Variants in GALNT9 observed in about 807,000 individuals in gnomAD.
GALNT9 encodes GalNAc transferase 9.
Under a neutral mutation model 63.1 loss-of-function variants are expected in GALNT9, and 47 were observed. That is an observed-to-expected ratio of 0.75 (90% CI 0.59 to 0.95). The LOEUF is 0.95. Ranked by LOEUF, GALNT9 falls within the 40% of genes least tolerant of loss-of-function variation. The pLI is 0.00. For missense variants in GALNT9, 829 were observed against 874.8 expected (o/e 0.95, Z 0.66); for synonymous variants, 396 against 365.7 (o/e 1.08, Z -0.94).
chr12:132,264,219 G>A (rs575383759), intron 2 of GALNT9, among the ~76,000 whole-genome samples: 1 of 152,378 alleles, frequency 6.6e-6, no homozygotes, highest in South Asian at 2.1e-4. Flanking sequence ...CTCCCTGCAA[G>A]CTCATGGCAC....
At chr12:132,325,854 G>C (rs1394706651) in intron 1 of GALNT9, among the ~76,000 whole-genome samples, 1 of 152,250 alleles carries the variant, frequency 6.6e-6, no homozygotes, top group East Asian at 1.9e-4. Flanking sequence ...CCTCCATTCA[G>C]AGCCTTTCTT....
rs1053470062 is a variant in GALNT9 at position 132,296,174 on chromosome 12, G to A, written c.239-9744C>T. 5.3e-5 allele frequency among the ~76,000 whole-genome samples: 8 copies of A among 150,162 alleles called. No homozygotes were observed. The highest frequency in any genetic ancestry group is 2.1e-4 in the South Asian group (1 of 4,722). On this transcript the variant is annotated intron_variant, in intron 1 of 10. Transcript: ENST00000328957. This position sits in a 1 kb window ranked among gnomAD's most constrained non-coding sequence, Gnocchi z 4.2. ...CGGCCTCCGAACAGGGAGAGCCTCC[G>A]GAATAGGGACGGCCTCCGAACAGGG...
At chr12:132,240,712 T>C (rs2136899286) in intron 6 of GALNT9, 3 of 455,976 alleles carry the variant, frequency 6.6e-6, no homozygotes, top group Admixed American at 4.7e-5. Flanking sequence ...CTTATCTTGC[T>C]GGAACCCTTC....
chr12:132,211,783 A>G (rs759749707), intron 6 of GALNT9, among the ~76,000 whole-genome samples: 42 of 152,216 alleles, frequency 2.8e-4, no homozygotes, highest in Non-Finnish European at 5.0e-4. Flanking sequence ...GCTGAGGAGT[A>G]TGTCCAAGTC....
chr12:132,220,462 T>TA (rs776585650), intron 6 of GALNT9, among the ~76,000 whole-genome samples: 2 of 151,986 alleles, frequency 1.3e-5, no homozygotes, highest in Non-Finnish European at 1.5e-5. Context: ...AAAACAACTA[T>TA]AAAAAAAGAA....
Position 132,246,145 on chromosome 12 carries a change from G to A in GALNT9, c.1077+1765C>T, listed in dbSNP as rs782390371. Among the ~76,000 whole-genome samples the A allele has an allele frequency of 3.9e-5, 6 of 152,260 alleles. No homozygotes were observed. The highest frequency in any genetic ancestry group is 6.5e-5 in the Admixed American group (1 of 15,284). ...GCGTGGGTGCGTTCAATCCACGGCC[G>A]ACCCGCCAAGGTCTGGTGTTTAACA... On this transcript the variant is annotated intron_variant, in intron 6 of 10. Coordinates refer to ENST00000328957, the MANE Select transcript of GALNT9 (RefSeq NM_001122636.2). The surrounding 1 kb of genome is among the most constrained non-coding windows in gnomAD (Gnocchi z 4.7).
At chr12:132,291,986 A>G (rs1292421151) in intron 1 of GALNT9, among the ~76,000 whole-genome samples, 1 of 152,160 alleles carries the variant, frequency 6.6e-6, no homozygotes, top group Non-Finnish European at 1.5e-5. Context: ...CACTCACAGT[A>G]TGCCAGCCAC....
intron 6 of GALNT9, among the ~76,000 whole-genome samples, chr12:132,229,048 C>T (rs1379154795): frequency 1.3e-5 from 2 of 152,206 alleles, no homozygotes; most frequent in African/African-American, 4.8e-5. Flanking sequence ...CCACGTGGTC[C>T]TGGGGCACAC....
chr12:132,197,508 C>T (rs1875601126), intron 10 of GALNT9, among the ~76,000 whole-genome samples: 1 of 152,204 alleles, frequency 6.6e-6, no homozygotes, highest in Admixed American at 6.5e-5. Flanking sequence ...CCTAAATCCT[C>T]CCTCTACCCT....
intron 1 of GALNT9, among the ~76,000 whole-genome samples, chr12:132,291,526 G>C (rs1298916805): frequency 1.0e-4 from 14 of 135,500 alleles, no homozygotes; most frequent in South Asian, 2.4e-4. Context: ...CACATCCACA[G>C]CACCCACGTC....
At position 132,238,732 on chromosome 12, in the gene GALNT9, G is replaced by T. The variant is rs1878095904; in HGVS notation, c.1077+9178C>A. On this transcript the variant is annotated intron_variant, in intron 6 of 10. Transcript: ENST00000328957. The surrounding 1 kb of genome is among the most constrained non-coding windows in gnomAD (Gnocchi z 6.5). ...TCCCCAGGGCTGTGGGAGGGGCCAG[G>T]AGAATGACAGCCTGATTCCTCCGCC... Among the ~76,000 whole-genome samples, 1 of 152,190 alleles carries T rather than the reference G, an allele frequency of 6.6e-6. No individual in the cohort carries two copies. Among genetic ancestry groups the T allele is most frequent in the Non-Finnish European group, 1.5e-5 (1 of 68,022 alleles).
intron 6 of GALNT9, chr12:132,240,610 C>G (rs541990673): frequency 4.4e-6 from 2 of 455,592 alleles, no homozygotes; most frequent in African/African-American, 2.0e-5. Flanking sequence ...GTGCGTGGCC[C>G]CGGGGCTCGG....
intron 1 of GALNT9, among the ~76,000 whole-genome samples, chr12:132,295,516 A>G (rs782220810): frequency 3.9e-5 from 6 of 152,230 alleles, no homozygotes; most frequent in Admixed American, 1.3e-4. Flanking sequence ...TGAGCCAAAC[A>G]TGGTATGTCC....
At chr12:132,292,015 G>A (rs1346304204) in intron 1 of GALNT9, among the ~76,000 whole-genome samples, 6 of 152,072 alleles carry the variant, frequency 3.9e-5, no homozygotes, top group Admixed American at 1.3e-4. Context: ...TTCCTGCCCC[G>A]GGGCCTTGGC....
At chr12:132,270,965 G>C (rs1206633120) in intron 2 of GALNT9, among the ~76,000 whole-genome samples, 1 of 151,968 alleles carries the variant, frequency 6.6e-6, no homozygotes, top group Non-Finnish European at 1.5e-5. Context: ...GGAGAAAGGA[G>C]GGAAGGAGGA....
At chr12:132,258,038 G>A (rs1879207005) in intron 4 of GALNT9, among the ~76,000 whole-genome samples, 152 bp from the exon 5 acceptor site, 2 of 152,070 alleles carry the variant, frequency 1.3e-5, no homozygotes, top group African/African-American at 4.8e-5. Context: ...TCCTCCCTTG[G>A]AAGCCCAAGG....
intron 1 of GALNT9, among the ~76,000 whole-genome samples, chr12:132,320,224 G>GTTA (rs1181876202): frequency 6.6e-6 from 1 of 152,048 alleles, no homozygotes; most frequent in Non-Finnish European, 1.5e-5. Flanking sequence ...TTTATTTGTT[G>GTTA]TTGTTTAAAC....
intron 1 of GALNT9, among the ~76,000 whole-genome samples, chr12:132,302,173 T>G (rs1255048418): frequency 6.6e-6 from 1 of 151,676 alleles, no homozygotes; most frequent in Non-Finnish European, 1.5e-5. Context: ...CTACTTTAAT[T>G]AGAAAGTGCA....
chr12:132,231,083 GGCGACAGAGGAGACAGC>G (rs1877877985), intron 6 of GALNT9, among the ~76,000 whole-genome samples: 3 of 100,594 alleles, frequency 3.0e-5, no homozygotes, highest in African/African-American at 1.3e-4. Flanking sequence ...CACTCGATGG[GGCGACAGAGGAGACAGC>G]GTGGAGCCCC....
Sources: allele counts gnomAD v4.1 joint callset (sites outside exome capture counted in the v4.1 genomes callset), GRCh38; gene constraint gnomAD v4.1.1; non-coding constraint Gnocchi (gnomAD v3.1); transcripts MANE v1.5; gene names NCBI Gene and HGNC (gene_info 2026-07-23, HGNC 2026-07-21).